Variants in FOXP1 observed in about 807,000 individuals in gnomAD.
The protein encoded by FOXP1 is forkhead box P1, also known as forkhead box protein P1.
Under a neutral mutation model 98.2 loss-of-function variants are expected in FOXP1, and 15 were observed. The ratio of observed to expected loss-of-function variants is 0.15; its 90% CI spans 0.10 to 0.24. The LOEUF (loss-of-function observed/expected upper bound fraction) is 0.24, where lower values mean the gene tolerates loss of function less well. FOXP1 is among the 10% of genes least tolerant of loss of function. The pLI, the probability that FOXP1 is intolerant of heterozygous loss-of-function variation, is 1.00. For synonymous variants in FOXP1, 371 were observed against 314.5 expected (o/e 1.18, Z -1.90); for missense variants, 633 against 848.5 (o/e 0.75, Z 3.15).
At chr3:70,972,203 G>T (rs1301716507) in intron 18 of FOXP1, 2 of 1,504,248 alleles carry the variant, frequency 1.3e-6, no homozygotes, top group African/African-American at 1.4e-5. Flanking sequence ...CAGCAGCAAA[G>T]GAGATGGAGT....
chr3:71,251,233 T>C (rs1200019866), intron 5 of FOXP1, among the ~76,000 whole-genome samples: 2 of 152,218 alleles, frequency 1.3e-5, no homozygotes, highest in African/African-American at 4.8e-5. Flanking sequence ...ACATCAGCTA[T>C]CCTGCAGAAA....
chr3:71,495,242 A>C (rs890857491), intron 2 of FOXP1, among the ~76,000 whole-genome samples: 3 of 152,194 alleles, frequency 2.0e-5, no homozygotes, highest in Admixed American at 2.0e-4. Flanking sequence ...ACTGGGACTT[A>C]GGGACAAAGG....
chr3:71,580,284 T>C (rs2048061547), intron 2 of FOXP1, among the ~76,000 whole-genome samples: 1 of 152,094 alleles, frequency 6.6e-6, no homozygotes, highest in Non-Finnish European at 1.5e-5. Context: ...AAACCTTTTT[T>C]TTTCCCTTTG....
At chr3:70,971,860 A>G in intron 18 of FOXP1, 1 of 491,464 alleles carries the variant, frequency 2.0e-6, no homozygotes, top group Non-Finnish European at 3.4e-6. Flanking sequence ...GAGAAACGAG[A>G]GCAATACATG....
At chr3:71,348,506 AGTGTGTGTGTGTGTGCGTGTGT>A (rs1162392551) in intron 4 of FOXP1, among the ~76,000 whole-genome samples, 41 of 90,552 alleles carry the variant, frequency 4.5e-4, no homozygotes, top group African/African-American at 1.4e-3. Flanking sequence ...TGCTGTGTTC[AGTGTGTGTGTGTGTGCGTGTGT>A]GTGTGTGTGT....
intron 2 of FOXP1, chr3:71,580,836 C>T: frequency 1.0e-6 from 1 of 985,222 alleles, no homozygotes. Context: ...GAAGTGTAGA[C>T]GGTTTGAATG....
chr3:71,197,248 G>C (rs960089307), intron 6 of FOXP1, among the ~76,000 whole-genome samples: 1 of 151,902 alleles, frequency 6.6e-6, no homozygotes, highest in Non-Finnish European at 1.5e-5. Context: ...TCTGAGTGGC[G>C]CCATAACTAT....
intron 5 of FOXP1, among the ~76,000 whole-genome samples, chr3:71,297,536 G>A (rs917449175): frequency 6.7e-6 from 1 of 149,096 alleles, no homozygotes; most frequent in African/African-American, 2.4e-5. Flanking sequence ...ATCAGTGAAG[G>A]TTATATTTGG....
chr3:70,965,300 G>A (rs1360904915), intron 20 of FOXP1, among the ~76,000 whole-genome samples: 1 of 152,118 alleles, frequency 6.6e-6, no homozygotes, highest in East Asian at 1.9e-4. Flanking sequence ...ATTCAGCATG[G>A]GCAGCCATCG....
chr3:71,052,581 G>T lies in FOXP1; in HGVS notation c.466C>A (p.Leu156Ile). 6.9e-7 allele frequency: 1 copy of T among 1,440,518 alleles called. No homozygotes were observed. Among genetic ancestry groups the T allele is most frequent in the Non-Finnish European group, 9.8e-7 (1 of 1,021,248 alleles). The allele number at this position is 1,440,518 out of a possible 1,614,324, so 89.2% of individuals were successfully genotyped here. ...FYKKQQEQLQ[L>I]QLLQQQHAGK... ...GCATGTTGTTGTTGTAAAAGTTGAA[G>T]CTGCAACTGTTCCTGTTGTTTTTTA... Residue 156 changes from leucine to isoleucine, a missense_variant, in exon 9 of 21, where the codon CTT (leucine) becomes ATT (isoleucine). Transcript: ENST00000649528.
intron 17 of FOXP1, among the ~76,000 whole-genome samples, chr3:70,975,421 A>T (rs2037291005): frequency 6.6e-6 from 1 of 152,242 alleles, no homozygotes; most frequent in South Asian, 2.1e-4. Context: ...CATAATGGAT[A>T]TTCACAGCTC....
intron 3 of FOXP1, among the ~76,000 whole-genome samples, chr3:71,407,849 T>A (rs2082460656): frequency 6.6e-6 from 1 of 152,184 alleles, no homozygotes; most frequent in Non-Finnish European, 1.5e-5. Flanking sequence ...AGGTTCCCAG[T>A]CATCTGGGTG....
At chr3:71,107,486 G>A (rs1288718943) in intron 7 of FOXP1, among the ~76,000 whole-genome samples, 4 of 151,974 alleles carry the variant, frequency 2.6e-5, no homozygotes, top group African/African-American at 9.7e-5. Flanking sequence ...TATTTTTAGG[G>A]TTTTGGGATT....
intron 6 of FOXP1, among the ~76,000 whole-genome samples, chr3:71,127,187 G>A (rs1366914318): frequency 6.6e-6 from 1 of 152,148 alleles, no homozygotes; most frequent in Non-Finnish European, 1.5e-5. Context: ...ACCCAGGAAG[G>A]AGGCCCACGG....
intron 4 of FOXP1, among the ~76,000 whole-genome samples, chr3:71,328,289 T>A (rs1290700727): frequency 6.6e-6 from 1 of 151,888 alleles, no homozygotes; most frequent in Admixed American, 6.6e-5. Context: ...AATAAAAATT[T>A]AAAAATTAAA....
chr3:71,516,384 C>T (rs1343739965), intron 2 of FOXP1, among the ~76,000 whole-genome samples: 2 of 152,126 alleles, frequency 1.3e-5, no homozygotes, highest in African/African-American at 2.4e-5. Flanking sequence ...TGGTAAATCT[C>T]GCTAAAAGGC....
At chr3:71,572,326 A>C (rs1172946245) in intron 2 of FOXP1, 3 of 152,336 alleles carry the variant, frequency 2.0e-5, no homozygotes, top group Admixed American at 2.0e-4. Flanking sequence ...CAAATTATGA[A>C]GTTCCAGTCA....
chr3:71,237,939 G>A (rs1016204159), intron 5 of FOXP1, among the ~76,000 whole-genome samples: 22 of 152,200 alleles, frequency 1.4e-4, no homozygotes, highest in African/African-American at 4.8e-4. Context: ...GGAAGAGAAG[G>A]TGGCTCCCTG....
chr3:70,989,979 T>C (rs2040355297), intron 13 of FOXP1, among the ~76,000 whole-genome samples: 1 of 152,178 alleles, frequency 6.6e-6, no homozygotes, highest in Non-Finnish European at 1.5e-5. Context: ...TGCAAACACA[T>C]ACCTAGAATT....
Sources: allele counts gnomAD v4.1 joint callset (sites outside exome capture counted in the v4.1 genomes callset), GRCh38; gene constraint gnomAD v4.1.1; transcripts MANE v1.5; gene names NCBI Gene and HGNC (gene_info 2026-07-23, HGNC 2026-07-21).